FAM171A1: variants seen among roughly 807,000 people sequenced by gnomAD.
The protein encoded by FAM171A1 is family with sequence similarity 171 member A1.
In FAM171A1, 23 loss-of-function variants were observed where a neutral mutation model predicts 74.9. The observed-to-expected ratio is 0.31, with a 90% CI of 0.22 to 0.44. FAM171A1 has a LOEUF of 0.44. Ranked by LOEUF, FAM171A1 falls within the 20% of genes least tolerant of loss-of-function variation. The pLI is 1.00. For missense variants in FAM171A1, 1,162 were observed against 1,159.2 expected, an observed-to-expected ratio of 1.00 and a Z score of -0.03; for synonymous variants, 527 against 505.7, an observed-to-expected ratio of 1.04 and a Z score of -0.57.
At chr10:15,225,033 C>T (rs1284929488) in intron 5 of FAM171A1, among the ~76,000 whole-genome samples, 2 of 152,204 alleles carry the variant, frequency 1.3e-5, no homozygotes, top group African/African-American at 2.4e-5. Context: ...ATGGGTCTTC[C>T]GTGTCTTGGC....
chr10:15,351,084 G>A lies in FAM171A1; in HGVS notation c.97+19872C>T, dbSNP rs374283869. Among the ~76,000 whole-genome samples the A allele has an allele frequency of 3.5e-4, 54 of 152,170 alleles. 2 individuals are homozygous for A. The South Asian group carries it at 0.011, about 30-fold the overall frequency. On this transcript the variant is annotated intron_variant, in intron 1 of 7. Coordinates refer to ENST00000378116, the MANE Select transcript of FAM171A1 (RefSeq NM_001010924.2). Reference sequence around the variant, plus strand: ...TTCTCACACCTAGACTGCTTCACTCGTTCTCTTTTTCTTTATTTATCTTTG... The same window carrying A: ...TTCTCACACCTAGACTGCTTCACTCATTCTCTTTTTCTTTATTTATCTTTG...
upstream of FAM171A1, among the ~76,000 whole-genome samples, chr10:15,373,154 G>A (rs1411195495): frequency 6.6e-6 from 1 of 152,176 alleles, no homozygotes; most frequent in East Asian, 1.9e-4. Context: ...AGCCCATATG[G>A]GTTTTATAGT....
intron 1 of FAM171A1, among the ~76,000 whole-genome samples, chr10:15,302,686 C>A (rs7096580): frequency 0.087 from 13,224 of 152,096 alleles, 1,131 homozygotes; most frequent in African/African-American, 0.22. Context: ...TGCAAAGCCA[C>A]ATTTAGGTCA....
chr10:15,358,052 T>C (rs1274516105), intron 1 of FAM171A1, among the ~76,000 whole-genome samples: 1 of 152,324 alleles, frequency 6.6e-6, no homozygotes, highest in South Asian at 2.1e-4. Flanking sequence ...CATGGCTCAC[T>C]GCAGTCTCCA....
chr10:15,316,546 C>T (rs540597077), intron 1 of FAM171A1, among the ~76,000 whole-genome samples: 3 of 152,148 alleles, frequency 2.0e-5, no homozygotes, highest in African/African-American at 7.2e-5. Context: ...TTCCAAGATG[C>T]TGACTTAGTG....
At chr10:15,324,383 C>T (rs1434968266) in intron 1 of FAM171A1, among the ~76,000 whole-genome samples, 1 of 152,182 alleles carries the variant, frequency 6.6e-6, no homozygotes, top group Non-Finnish European at 1.5e-5. Flanking sequence ...TCAGGAGCTC[C>T]CTCCCGTTCT....
chr10:15,287,486 C>T (rs1055396014), intron 1 of FAM171A1, among the ~76,000 whole-genome samples: 1 of 151,588 alleles, frequency 6.6e-6, no homozygotes, highest in Non-Finnish European at 1.5e-5. Flanking sequence ...CTCCCAGGTT[C>T]AAGCGATTCT....
chr10:15,343,738 G>A (rs1380369457), intron 1 of FAM171A1, among the ~76,000 whole-genome samples: 1 of 152,166 alleles, frequency 6.6e-6, no homozygotes, highest in Non-Finnish European at 1.5e-5. Flanking sequence ...ACAGCCTTGG[G>A]CATCCGTCCA....
intron 1 of FAM171A1, among the ~76,000 whole-genome samples, chr10:15,353,779 G>A (rs574645369): frequency 4.6e-5 from 7 of 152,138 alleles, no homozygotes; most frequent in East Asian, 3.9e-4. Context: ...CAATGCAGGC[G>A]GCTCAGAAAC....
chr10:15,233,731 A>C (rs1834241249), intron 5 of FAM171A1, among the ~76,000 whole-genome samples: 1 of 152,058 alleles, frequency 6.6e-6, no homozygotes, highest in Non-Finnish European at 1.5e-5. Context: ...GTGAAACCCC[A>C]TCTCTACTAA....
At chr10:15,294,214 G>C (rs866175051) in intron 1 of FAM171A1, among the ~76,000 whole-genome samples, 29 of 152,274 alleles carry the variant, frequency 1.9e-4, no homozygotes, top group African/African-American at 6.5e-4. Context: ...AGCTAGATGG[G>C]CAGTGCTGCT....
intron 4 of FAM171A1, among the ~76,000 whole-genome samples, chr10:15,249,350 C>CA (rs1252947182): frequency 2.6e-5 from 4 of 152,138 alleles, no homozygotes; most frequent in Non-Finnish European, 5.9e-5. Flanking sequence ...CCTGCCTTGG[C>CA]AATCCCAGGC....
Position 15,212,867 on chromosome 10 carries a change from G to T in FAM171A1, c.*48C>A. On this transcript the variant is annotated 3_prime_UTR_variant, in exon 8 of 8. Transcript: ENST00000378116. The stretch of plus-strand genomic sequence containing the variant: ...AACGGGTACGCGCTTCCATGAGAAA[G>T]GATATTTGGCAATTTTATATTCCAC... 6.2e-7 allele frequency: 1 copy of T among 1,602,132 alleles called. No homozygotes were observed. The highest frequency in any genetic ancestry group is 8.5e-7 in the Non-Finnish European group (1 of 1,176,250).
rs118149515 is a variant in FAM171A1 at position 15,331,535 on chromosome 10, C to T, written c.97+39421G>A. Among the ~76,000 whole-genome samples the T allele has an allele frequency of 4.5e-3, 687 of 152,142 alleles. 8 individuals carry two copies. Among genetic ancestry groups the T allele is most frequent in the Middle Eastern group, 0.041 (12 of 294 alleles). The stretch of plus-strand genomic sequence containing the variant: ...TATACAAGGGCAGAAGATTGAGAAA[C>T]AGGCATTCTGGACAATCTAAAAAAT... On this transcript the variant is annotated intron_variant, in intron 1 of 7. Coordinates refer to ENST00000378116, the MANE Select transcript of FAM171A1 (RefSeq NM_001010924.2).
chr10:15,255,922 A>C (rs1458497809), intron 3 of FAM171A1, among the ~76,000 whole-genome samples: 3 of 152,156 alleles, frequency 2.0e-5, no homozygotes, highest in Admixed American at 6.5e-5. Flanking sequence ...TGTTGGGATT[A>C]CAGGTGTGAG....
intron 1 of FAM171A1, among the ~76,000 whole-genome samples, chr10:15,302,328 G>T (rs1049289713): frequency 6.6e-6 from 1 of 152,066 alleles, no homozygotes; most frequent in Admixed American, 6.6e-5. Flanking sequence ...AGCTGGGTGT[G>T]GTGGCAGGCG....
chr10:15,299,701 C>A (rs369955067), intron 1 of FAM171A1, among the ~76,000 whole-genome samples: 2 of 151,848 alleles, frequency 1.3e-5, no homozygotes, highest in Non-Finnish European at 2.9e-5. Flanking sequence ...AAAAATGGGC[C>A]GGGTGCGGTG....
intron 5 of FAM171A1, among the ~76,000 whole-genome samples, chr10:15,237,909 T>C (rs1291969827): frequency 6.6e-6 from 1 of 152,234 alleles, no homozygotes; most frequent in Non-Finnish European, 1.5e-5. Flanking sequence ...CTCTGAATAT[T>C]TCCACTGTAA....
At position 15,213,941 on chromosome 10, in the gene FAM171A1, C is replaced by T. The variant is rs1833930384; in HGVS notation, c.1647G>A (p.Glu549=). The T allele has an allele frequency of 1.2e-6, 2 of 1,614,044 alleles. No individual in the cohort carries two copies. The highest frequency in any genetic ancestry group is 2.2e-5 in the South Asian group (2 of 91,080). Reference sequence around the variant, plus strand: ...CGGGCCGTGGGAAGGACGTAGGTCTCTCGAGGTGATCTACTGATCGCGACA... The same window carrying T: ...CGGGCCGTGGGAAGGACGTAGGTCTTTCGAGGTGATCTACTGATCGCGACA... ...CMMSRSVDHL[E]RPTSFPRPGQ... is the part of the protein sequence containing the mutation. Residue 549 remains glutamate (E), a synonymous_variant, in exon 8 of 8, where the codon GAG becomes GAA. Coordinates refer to ENST00000378116, the MANE Select transcript of FAM171A1 (RefSeq NM_001010924.2). This position sits in a 1 kb window ranked among gnomAD's most constrained non-coding sequence, Gnocchi z 6.8.
Sources: gnomAD v4.1 joint callset for allele counts (sites outside exome capture counted in the v4.1 genomes callset) on GRCh38, gnomAD v4.1.1 for gene constraint, Gnocchi (gnomAD v3.1) non-coding constraint, MANE v1.5 for transcripts, NCBI Gene and HGNC (gene_info 2026-07-23, HGNC 2026-07-21) for gene names.